The following CTXN1 variants were observed in gnomAD, a reference collection of about 807,000 sequenced individuals.
CTXN1 encodes cortexin-1.
In CTXN1, 4 loss-of-function variants were observed where a neutral mutation model predicts 5.5. The ratio of observed to expected loss-of-function variants is 0.73; its 90% CI spans 0.36 to 1.68. The LOEUF is 1.68. CTXN1 is among the 40% of genes most tolerant of loss of function. CTXN1 has a pLI of 0.05. For missense variants in CTXN1, 111 were observed against 123.0 expected, an observed-to-expected ratio of 0.90 and a Z score of 0.46; for synonymous variants, 67 against 62.8, an observed-to-expected ratio of 1.07 and a Z score of -0.32.
Position 7,925,450 on chromosome 19 carries a change from G to A in CTXN1, c.89C>T (p.Thr30Met). ...VGAGLDAEQR[T>M]VFAFVLCLLV... Reference sequence around the variant, plus strand: ...CAGGCAGAGCACGAAGGCGAACACCGTGCGCTGCTCCGCGTCCAGGCCCGC... The same window carrying A: ...CAGGCAGAGCACGAAGGCGAACACCATGCGCTGCTCCGCGTCCAGGCCCGC... The change falls in exon 2 of 2, where the codon ACG becomes ATG. Residue 30 changes from threonine to methionine, a missense_variant. By Grantham distance (81) the Thr-to-Met change is moderately conservative. Transcript: ENST00000318978. This position sits in a 1 kb window ranked among gnomAD's most constrained non-coding sequence, Gnocchi z 5.0. 1.3e-6 allele frequency: 2 copies of A among 1,577,976 alleles called. No homozygotes were observed. Among genetic ancestry groups the A allele is most frequent in the Non-Finnish European group, 1.7e-6 (2 of 1,168,678 alleles).
In CTXN1 at chr19:7,925,411, A is replaced by G. The variant is rs747799569; in HGVS notation, c.128T>C (p.Val43Ala). The change falls in exon 2 of 2, where the codon GTG (valine) becomes GCG (alanine). Residue 43 changes from valine (V) to alanine (A), a missense_variant. Transcript: ENST00000318978. This position sits in a 1 kb window ranked among gnomAD's most constrained non-coding sequence, Gnocchi z 5.0. The stretch of plus-strand genomic sequence containing the variant: ...GCGCACGCAGCGCACCATCAACAGC[A>G]CCAGCACCACGAGCAGGCAGAGCAC... ...AFVLCLLVVL[V>A]LLMVRCVRIL... 3.1e-6 allele frequency: 5 copies of G among 1,588,288 alleles called. No homozygotes were observed. Among genetic ancestry groups the G allele is most frequent in the East Asian group, 2.3e-5 (1 of 42,738 alleles).
chr19:7,925,605 C>T lies in CTXN1; in HGVS notation c.-20-47G>A, dbSNP rs967450238. 2.3e-6 allele frequency: 3 copies of T among 1,290,112 alleles called. No individual in the cohort carries two copies. The highest frequency in any genetic ancestry group is 2.9e-6 in the Non-Finnish European group (3 of 1,022,862). The allele number at this position is 1,290,112 out of a possible 1,614,324, so 79.9% of individuals were successfully genotyped here. ...CCGGGCGCCGGGGATGAGGCTGCGC[C>T]CTCCCTCCCGCGCCTCCTCCGCTTC... On this transcript the variant is annotated intron_variant, in intron 1 of 1. Transcript: ENST00000318978. The surrounding 1 kb of genome is among the most constrained non-coding windows in gnomAD (Gnocchi z 5.0).
In CTXN1 at chr19:7,925,617, G is replaced by A. The variant is rs1983761347; in HGVS notation, c.-20-59C>T. 5.5e-6 allele frequency: 7 copies of A among 1,261,536 alleles called. No individual in the cohort carries two copies. The highest frequency in any genetic ancestry group is 7.0e-6 in the Non-Finnish European group (7 of 1,000,926). The allele number at this position is 1,261,536 out of a possible 1,614,324, so 78.1% of individuals were successfully genotyped here. A position where few individuals can be genotyped will look rare whatever the true frequency, so the allele number is the denominator to read the frequency against. ...GATGAGGCTGCGCCCTCCCTCCCGC[G>A]CCTCCTCCGCTTCGCCCCCTCCTGC... On this transcript the variant is annotated intron_variant, in intron 1 of 1. Transcript: ENST00000318978. The surrounding 1 kb of genome is among the most constrained non-coding windows in gnomAD (Gnocchi z 5.0).
In CTXN1 at chr19:7,925,578, C is replaced by G. The variant is rs1983759313; in HGVS notation, c.-20-20G>C. On this transcript the variant is annotated intron_variant, in intron 1 of 1. Coordinates refer to ENST00000318978, the MANE Select transcript of CTXN1 (RefSeq NM_206833.4). The surrounding 1 kb of genome is among the most constrained non-coding windows in gnomAD (Gnocchi z 5.0). ...CGCGCCCTGCGGAGGAGGGGACCCG[C>G]CCCGGGCGCCGGGGATGAGGCTGCG... The G allele has an allele frequency of 1.5e-6, 2 of 1,323,788 alleles. No homozygotes were observed. The highest frequency in any genetic ancestry group is 4.1e-5 in the South Asian group (2 of 48,314). The allele number at this position is 1,323,788 out of a possible 1,614,324, so 82.0% of individuals were successfully genotyped here. A position where few individuals can be genotyped will look rare whatever the true frequency, so the allele number is the denominator to read the frequency against.
In CTXN1 at chr19:7,925,487, GC is replaced by G; in HGVS notation, c.51del (p.Pro19ArgfsTer27). On this transcript the variant is annotated frameshift_variant, in exon 2 of 2. Transcript: ENST00000318978. LOFTEE classifies it high-confidence loss of function. This position sits in a 1 kb window ranked among gnomAD's most constrained non-coding sequence, Gnocchi z 5.0. ...GCGTCCAGGCCCGCGCCCACCGGGG[GC>G]CCCGTCGACGGCGGCAGGGGCTCCG... ...LSPEPLPPST[G>X]PPVGAGLDAE... 6.5e-7 allele frequency: 1 copy of G among 1,532,794 alleles called. No individual in the cohort carries two copies. The highest frequency in any genetic ancestry group is 2.6e-5 in the East Asian group (1 of 37,928). The allele number at this position is 1,532,794 out of a possible 1,614,324, so 94.9% of individuals were successfully genotyped here. A position where few individuals can be genotyped will look rare whatever the true frequency, so the allele number is the denominator to read the frequency against.
In CTXN1 at chr19:7,925,032, C is replaced by T. The variant is rs1006595977; in HGVS notation, c.*258G>A. Reference sequence around the variant, plus strand: ...GGGATTCAGAGTCGGGGGTGGGGGCCAGCCGGGCGGGTGAGATGCGCAGAG... The same window carrying T: ...GGGATTCAGAGTCGGGGGTGGGGGCTAGCCGGGCGGGTGAGATGCGCAGAG... On this transcript the variant is annotated 3_prime_UTR_variant, in exon 2 of 2. Transcript: ENST00000318978. This position sits in a 1 kb window ranked among gnomAD's most constrained non-coding sequence, Gnocchi z 5.0. 1.5e-5 allele frequency: 5 copies of T among 324,612 alleles called. No individual in the cohort carries two copies. The highest frequency in any genetic ancestry group is 2.8e-5 in the Non-Finnish European group (5 of 179,672). The allele number at this position is 324,612 out of a possible 1,614,324, so 20.1% of individuals were successfully genotyped here.
At position 7,925,260 on chromosome 19, in the gene CTXN1, C is replaced by G. The variant is rs752819371; in HGVS notation, c.*30G>C. On this transcript the variant is annotated 3_prime_UTR_variant, in exon 2 of 2. Coordinates refer to ENST00000318978, the MANE Select transcript of CTXN1 (RefSeq NM_206833.4). This position sits in a 1 kb window ranked among gnomAD's most constrained non-coding sequence, Gnocchi z 5.0. ...CCGGGCCGGCCCTCTGAGACCCCGG[C>G]GCAGGGCCGGCTAGGGGGCGCCGCG... The G allele has an allele frequency of 7.7e-7, 1 of 1,302,814 alleles. No homozygotes were observed. The highest frequency in any genetic ancestry group is 9.7e-7 in the Non-Finnish European group (1 of 1,026,218). The allele number at this position is 1,302,814 out of a possible 1,614,324, so 80.7% of individuals were successfully genotyped here. A position where few individuals can be genotyped will look rare whatever the true frequency, so the allele number is the denominator to read the frequency against.
In CTXN1 at chr19:7,925,947, C is replaced by A. The variant is rs1325743177; in HGVS notation, c.-21+20G>T. On this transcript the variant is annotated intron_variant, in intron 1 of 1. Coordinates refer to ENST00000318978, the MANE Select transcript of CTXN1 (RefSeq NM_206833.4). The surrounding 1 kb of genome is among the most constrained non-coding windows in gnomAD (Gnocchi z 5.0). ...CTGGGACCCCCTCCCCCACCGCCCCCGCCCCGGCGCGCCCCTCACCCTGGC... is the reference window on the plus strand; with the variant it reads ...CTGGGACCCCCTCCCCCACCGCCCCAGCCCCGGCGCGCCCCTCACCCTGGC... The A allele has an allele frequency of 6.6e-6, 1 of 151,446 alleles. No individual in the cohort carries two copies. Among genetic ancestry groups the A allele is most frequent in the South Asian group, 2.0e-4 (1 of 5,060 alleles). The allele number at this position is 151,446 out of a possible 1,614,324, so 9.4% of individuals were successfully genotyped here.
chr19:7,925,236 C>G lies in CTXN1; in HGVS notation c.*54G>C, dbSNP rs1983744111. Reference sequence around the variant, plus strand: ...GTCCTGGCCCCGCGGCGCCCCCCGCCGGGCCGGCCCTCTGAGACCCCGGCG... The same window carrying G: ...GTCCTGGCCCCGCGGCGCCCCCCGCGGGGCCGGCCCTCTGAGACCCCGGCG... On this transcript the variant is annotated 3_prime_UTR_variant, in exon 2 of 2. Transcript: ENST00000318978. This position sits in a 1 kb window ranked among gnomAD's most constrained non-coding sequence, Gnocchi z 5.0. 8.0e-7 allele frequency: 1 copy of G among 1,242,922 alleles called. No individual in the cohort carries two copies. Among genetic ancestry groups the G allele is most frequent in the Non-Finnish European group, 1.0e-6 (1 of 992,880 alleles). The allele number at this position is 1,242,922 out of a possible 1,614,324, so 77.0% of individuals were successfully genotyped here. A position where few individuals can be genotyped will look rare whatever the true frequency, so the allele number is the denominator to read the frequency against.
In CTXN1 at chr19:7,925,166, C is replaced by T. The variant is rs1983739834; in HGVS notation, c.*124G>A. 3 of 705,940 alleles carry T rather than the reference C, an allele frequency of 4.2e-6. No individual in the cohort carries two copies. Among genetic ancestry groups the T allele is most frequent in the Non-Finnish European group, 3.9e-6 (2 of 507,050 alleles). 43.7% of individuals were successfully genotyped at this position (705,940 alleles called of 1,614,324 possible). On this transcript the variant is annotated 3_prime_UTR_variant, in exon 2 of 2. Transcript: ENST00000318978. This position sits in a 1 kb window ranked among gnomAD's most constrained non-coding sequence, Gnocchi z 5.0. ...GGCTGGGCTTCTCCCAACTCCCTCCCCCTCTCCCCCGGGCTGGGGGCTCCG... is the reference window on the plus strand; with the variant it reads ...GGCTGGGCTTCTCCCAACTCCCTCCTCCTCTCCCCCGGGCTGGGGGCTCCG...
Position 7,925,106 on chromosome 19 carries a change from C to A in CTXN1, c.*184G>T. Reference sequence around the variant, plus strand: ...GCACGAGGTGGGGCTCCGGCCAGGCCAGGAAGGGACATGGGAGGGGTCTCG... The same window carrying A: ...GCACGAGGTGGGGCTCCGGCCAGGCAAGGAAGGGACATGGGAGGGGTCTCG... On this transcript the variant is annotated 3_prime_UTR_variant, in exon 2 of 2. Coordinates refer to ENST00000318978, the MANE Select transcript of CTXN1 (RefSeq NM_206833.4). This position sits in a 1 kb window ranked among gnomAD's most constrained non-coding sequence, Gnocchi z 5.0. 2.0e-5 allele frequency: 8 copies of A among 405,740 alleles called. No individual in the cohort carries two copies. The allele number at this position is 405,740 out of a possible 1,614,324, so 25.1% of individuals were successfully genotyped here.
chr19:7,925,825 C>G lies in CTXN1; in HGVS notation c.-21+142G>C, dbSNP rs938058595. ...AAACGGAGCCGCGCCCGGCCTGGGCCGCACACAACAGGTGCGAAAGCGCGG... is the reference window on the plus strand; with the variant it reads ...AAACGGAGCCGCGCCCGGCCTGGGCGGCACACAACAGGTGCGAAAGCGCGG... On this transcript the variant is annotated intron_variant, in intron 1 of 1. Coordinates refer to ENST00000318978, the MANE Select transcript of CTXN1 (RefSeq NM_206833.4). This position sits in a 1 kb window ranked among gnomAD's most constrained non-coding sequence, Gnocchi z 5.0. 2.3e-5 allele frequency: 6 copies of G among 264,126 alleles called. No individual in the cohort carries two copies. Among genetic ancestry groups the G allele is most frequent in the Admixed American group, 2.2e-4 (4 of 18,254 alleles). The allele number at this position is 264,126 out of a possible 1,614,324, so 16.4% of individuals were successfully genotyped here.
In CTXN1 at chr19:7,926,074, G is replaced by C. The variant is rs1017274941; in HGVS notation, c.-128C>G. 6.7e-6 allele frequency: 1 copy of C among 149,336 alleles called. No homozygotes were observed. The highest frequency in any genetic ancestry group is 1.5e-5 in the Non-Finnish European group (1 of 66,890). 9.3% of individuals were successfully genotyped at this position (149,336 alleles called of 1,614,324 possible). A position where few individuals can be genotyped will look rare whatever the true frequency, so the allele number is the denominator to read the frequency against. On this transcript the variant is annotated 5_prime_UTR_variant, in exon 1 of 2. Coordinates refer to ENST00000318978, the MANE Select transcript of CTXN1 (RefSeq NM_206833.4). The stretch of plus-strand genomic sequence containing the variant: ...CCCCGGCGGCGGCGGCGGCGGCCCG[G>C]GCTCCGGCTCAGCCCACCCCACCCG...
Position 7,925,385 on chromosome 19 carries a change from T to C in CTXN1, c.154A>G (p.Ile52Val). Reference protein sequence around the residue: ...LVLLMVRCVRILLDPYSRMPA... With the variant: ...LVLLMVRCVRVLLDPYSRMPA... ...ATGCGGCTGTAGGGGTCGAGCAGGA[T>C]GCGCACGCAGCGCACCATCAACAGC... The change falls in exon 2 of 2, where the codon ATC (isoleucine) becomes GTC (valine). Residue 52 changes from isoleucine to valine, a missense_variant. Transcript: ENST00000318978. This position sits in a 1 kb window ranked among gnomAD's most constrained non-coding sequence, Gnocchi z 5.0. The C allele has an allele frequency of 6.3e-7, 1 of 1,585,482 alleles. No homozygotes were observed. The highest frequency in any genetic ancestry group is 8.5e-7 in the Non-Finnish European group (1 of 1,170,982).
Position 7,925,640 on chromosome 19 carries a change from T to TGCC in CTXN1, c.-20-85_-20-83dup, listed in dbSNP as rs1002322596. 19 of 1,163,700 alleles carry TGCC rather than the reference T, an allele frequency of 1.6e-5. No homozygotes were observed. The highest frequency in any genetic ancestry group is 6.0e-5 in the South Asian group (2 of 33,060). The allele number at this position is 1,163,700 out of a possible 1,614,324, so 72.1% of individuals were successfully genotyped here. ...GCGCCTCCTCCGCTTCGCCCCCTCC[T>TGCC]GCCGCCGCCGCCGCCGCCTCCCTTA... On this transcript the variant is annotated intron_variant, in intron 1 of 1. Coordinates refer to ENST00000318978, the MANE Select transcript of CTXN1 (RefSeq NM_206833.4). This position sits in a 1 kb window ranked among gnomAD's most constrained non-coding sequence, Gnocchi z 5.0.
Position 7,925,482 on chromosome 19 carries a change from CG to C in CTXN1, c.56del (p.Pro19ArgfsTer27), listed in dbSNP as rs760979810. 2.1e-5 allele frequency: 33 copies of C among 1,536,584 alleles called. No homozygotes were observed. Among genetic ancestry groups the C allele is most frequent in the Admixed American group, 1.9e-4 (10 of 52,166 alleles). Reference sequence around the variant, plus strand: ...GCTCCGCGTCCAGGCCCGCGCCCACCGGGGGCCCCGTCGACGGCGGCAGGGG... The same window carrying C: ...GCTCCGCGTCCAGGCCCGCGCCCACCGGGGCCCCGTCGACGGCGGCAGGGG... ...PEPLPPSTGP[P>X]VGAGLDAEQR... On this transcript the variant is annotated frameshift_variant, in exon 2 of 2. Coordinates refer to ENST00000318978, the MANE Select transcript of CTXN1 (RefSeq NM_206833.4). LOFTEE classifies it high-confidence loss of function. This position sits in a 1 kb window ranked among gnomAD's most constrained non-coding sequence, Gnocchi z 5.0.
rs902712115 is a variant in CTXN1 at position 7,926,051 on chromosome 19, C to CCGGCGGCGGCGGCGGCGG, written c.-123_-106dup. ...CGCCGGCTGCGCGTTCGGCCTCTCC[C>CCGGCGGCGGCGGCGGCGG]CGGCGGCGGCGGCGGCGGCCCGGGC... On this transcript the variant is annotated 5_prime_UTR_variant, in exon 1 of 2. Transcript: ENST00000318978. 6.7e-6 allele frequency: 1 copy of CCGGCGGCGGCGGCGGCGG among 149,216 alleles called. No homozygotes were observed. Among genetic ancestry groups the CCGGCGGCGGCGGCGGCGG allele is most frequent in the Admixed American group, 6.7e-5 (1 of 14,934 alleles). 9.2% of individuals were successfully genotyped at this position (149,216 alleles called of 1,614,324 possible).
At position 7,925,514 on chromosome 19, in the gene CTXN1, G is replaced by A; in HGVS notation, c.25C>T (p.Pro9Ser). 1 of 1,487,716 alleles carries A rather than the reference G, an allele frequency of 6.7e-7. No homozygotes were observed. The highest frequency in any genetic ancestry group is 8.9e-7 in the Non-Finnish European group (1 of 1,124,026). 92.2% of individuals were successfully genotyped at this position (1,487,716 alleles called of 1,614,324 possible). MSATWTLS[P>S]EPLPPSTGPP... is the part of the protein sequence containing the mutation. ...CCCGTCGACGGCGGCAGGGGCTCCG[G>A]CGACAGCGTCCACGTCGCGCTCATG... Residue 9 changes from proline (P) to serine (S), a missense_variant, in exon 2 of 2, where the codon CCG becomes TCG. Physicochemically the swap from Pro to Ser is moderately conservative, Grantham distance 74. Transcript: ENST00000318978. This position sits in a 1 kb window ranked among gnomAD's most constrained non-coding sequence, Gnocchi z 5.0.
At position 7,925,391 on chromosome 19, in the gene CTXN1, C is replaced by T; in HGVS notation, c.148G>A (p.Val50Met). 6.3e-7 allele frequency: 1 copy of T among 1,586,024 alleles called. No homozygotes were observed. Among genetic ancestry groups the T allele is most frequent in the South Asian group, 1.1e-5 (1 of 88,482 alleles). The change falls in exon 2 of 2, where the codon GTG becomes ATG. Residue 50 changes from valine to methionine, a missense_variant. By Grantham distance (21) the Val-to-Met change is conservative. Coordinates refer to ENST00000318978, the MANE Select transcript of CTXN1 (RefSeq NM_206833.4). The surrounding 1 kb of genome is among the most constrained non-coding windows in gnomAD (Gnocchi z 5.0). The stretch of plus-strand genomic sequence containing the variant: ...CTGTAGGGGTCGAGCAGGATGCGCA[C>T]GCAGCGCACCATCAACAGCACCAGC... ...VVLVLLMVRC[V>M]RILLDPYSRM...
Sources: gnomAD v4.1 joint callset for allele counts on GRCh38, gnomAD v4.1.1 for gene constraint, Gnocchi (gnomAD v3.1) non-coding constraint, MANE v1.5 for transcripts, NCBI Gene and HGNC (gene_info 2026-07-23, HGNC 2026-07-21) for gene names.